The following L3MBTL1 variants were observed in gnomAD, a reference collection of about 807,000 sequenced individuals.
L3MBTL1 encodes the protein L3MBTL histone methyl-lysine binding protein 1.
Under a neutral mutation model 105.3 loss-of-function variants are expected in L3MBTL1, and 75 were observed. The observed-to-expected ratio is 0.71, with a 90% CI of 0.59 to 0.86. L3MBTL1 has a LOEUF of 0.86. Among genes scored for constraint, L3MBTL1 ranks in the 40% least tolerant of loss-of-function variants. L3MBTL1 has a pLI of 0.00. For missense variants in L3MBTL1, 1,069 were observed against 1,126.4 expected, an observed-to-expected ratio of 0.95 and a Z score of 0.73; for synonymous variants, 452 against 436.2, an observed-to-expected ratio of 1.04 and a Z score of -0.45.
intron 12 of L3MBTL1, 88 bp from the exon 13 acceptor site, chr20:43,533,254 A>G: frequency 8.5e-7 from 1 of 1,170,552 alleles, no homozygotes; most frequent in Non-Finnish European, 1.2e-6. Context: ...GAAGTAGATG[A>G]GGGTGGGCCC....
rs140705774 is a variant in L3MBTL1, at chr20:43,511,162, C to T, written c.-28-2314C>T. ...CCACCTCCCGGGTTCAAGCGATTCT[C>T]CTGCCTCAGCCTCCCCAGTAGCTGG... On this transcript the variant is annotated intron_variant, in intron 1 of 21. Coordinates refer to ENST00000418998, the MANE Select transcript of L3MBTL1 (RefSeq NM_001377303.1). Among the ~76,000 whole-genome samples the T allele has an allele frequency of 1.3e-3, 193 of 152,286 alleles. 2 individuals carry two copies. The highest frequency in any genetic ancestry group is 0.01 in the Middle Eastern group (3 of 294).
In L3MBTL1 at chr20:43,535,897, T is replaced by C. The variant is rs1306258367; in HGVS notation, c.1886T>C (p.Leu629Pro). Residue 629 changes from leucine to proline, a missense_variant, in exon 17 of 22, where the codon CTG becomes CCG. Physicochemically the swap from Leu to Pro is moderately conservative, Grantham distance 98 (BLOSUM62 -3). Coordinates refer to ENST00000418998, the MANE Select transcript of L3MBTL1 (RefSeq NM_001377303.1). ...GGCPPLSYRSLPHTRTSKYSF... is the reference protein window; with the variant it reads ...GGCPPLSYRSPPHTRTSKYSF... ...TGTCCCCCTCTCAGCTATAGGAGCC[T>C]GCCCCACACTAGGACCTCCAAATAC... The C allele has an allele frequency of 9.3e-6, 15 of 1,613,356 alleles. No homozygotes were observed. The highest frequency in any genetic ancestry group is 1.1e-5 in the Non-Finnish European group (13 of 1,179,754).
intron 7 of L3MBTL1, among the ~76,000 whole-genome samples, chr20:43,517,637 A>G (rs1568919226): frequency 6.6e-6 from 1 of 152,172 alleles, no homozygotes; most frequent in Non-Finnish European, 1.5e-5. Flanking sequence ...TAAGTTCTCA[A>G]TCAGTGTTTG....
At chr20:43,547,103 T>C (rs1283734066) in intron 18 of L3MBTL1, among the ~76,000 whole-genome samples, 7 of 85,368 alleles carry the variant, frequency 8.2e-5, no homozygotes, top group Non-Finnish European at 1.7e-4. Flanking sequence ...TTTTAATGAC[T>C]TTTTTTTTTT....
At position 43,513,518 on chromosome 20, in the gene L3MBTL1, T is replaced by A. The variant is rs1643175161; in HGVS notation, c.15T>A (p.Ala5=). ...GGCATGCTGGGATGGAGGGGCATGC[T>A]GAAATGGAGATGCTGAGGACACTGA... MEGH[A]EMEMLRTLKG... The change falls in exon 2 of 22, where the codon GCT becomes GCA. Residue 5 remains alanine (A), a synonymous_variant. Coordinates refer to ENST00000418998, the MANE Select transcript of L3MBTL1 (RefSeq NM_001377303.1). The A allele has an allele frequency of 1.3e-6, 2 of 1,550,638 alleles. No homozygotes were observed. The highest frequency in any genetic ancestry group is 2.7e-5 in the African/African-American group (2 of 73,020).
chr20:43,532,397 G>T (rs901955979), intron 11 of L3MBTL1: 5 of 198,546 alleles, frequency 2.5e-5, no homozygotes, highest in African/African-American at 1.2e-4. Flanking sequence ...ATAGATGTCC[G>T]CTGTTTCTTC....
Position 43,534,942 on chromosome 20 carries a change from G to A in L3MBTL1, c.1825G>A (p.Gly609Arg), listed in dbSNP as rs544291942. The change falls in exon 16 of 22, where the codon GGA (glycine) becomes AGA (arginine). Residue 609 changes from glycine to arginine, a missense_variant and splice_region_variant. Transcript: ENST00000418998. The stretch of plus-strand genomic sequence containing the variant: ...AGGACATCCCCTGCAGCCTCCTCTC[G>A]GTGTGTACCCCTAGGGCACTCTGAT... ...KTGHPLQPPL[G>R]PREPSSASPG... The A allele has an allele frequency of 1.6e-5, 26 of 1,587,898 alleles. No homozygotes were observed. The highest frequency in any genetic ancestry group is 1.4e-4 in the African/African-American group (10 of 73,388).
rs1444834631 is a variant in L3MBTL1 at position 43,514,888 on chromosome 20, TGGA to T, written c.503-115_503-113del. The T allele has an allele frequency of 1.6e-5, 23 of 1,460,778 alleles. No homozygotes were observed. In the African/African-American group the frequency reaches 2.9e-4, roughly 19 times the overall value. The allele number at this position is 1,460,778 out of a possible 1,614,324, so 90.5% of individuals were successfully genotyped here. ...GGGGTGGTCCTGGGGTGGAGAAGGC[TGGA>T]GGAGGCCATCCGATGCGGAGATGGA... is the stretch of plus-strand genomic sequence containing the variant. On this transcript the variant is annotated intron_variant, in intron 4 of 21. Transcript: ENST00000418998.
Position 43,533,376 on chromosome 20 carries a change from G to A in L3MBTL1, c.1471G>A (p.Gly491Ser). 1 of 1,613,868 alleles carries A rather than the reference G, an allele frequency of 6.2e-7. No individual in the cohort carries two copies. The highest frequency in any genetic ancestry group is 8.5e-7 in the Non-Finnish European group (1 of 1,179,946). ...DPSSPYIHPVGWCQKQGKPLT... is the reference protein window; with the variant it reads ...DPSSPYIHPVSWCQKQGKPLT... The stretch of plus-strand genomic sequence containing the variant: ...CAGCAGCCCCTACATCCACCCAGTG[G>A]GCTGGTGCCAGAAGCAAGGAAAGCC... The change falls in exon 13 of 22, where the codon GGC (glycine) becomes AGC (serine). Residue 491 changes from glycine to serine, a missense_variant. Gly to Ser is a moderately conservative substitution (Grantham distance 56). Coordinates refer to ENST00000418998, the MANE Select transcript of L3MBTL1 (RefSeq NM_001377303.1).
At chr20:43,539,896 C>CA (rs1237826725) in intron 19 of L3MBTL1, 3 of 577,698 alleles carry the variant, frequency 5.2e-6, no homozygotes, top group Admixed American at 5.2e-5. Flanking sequence ...GGTGCAGCCT[C>CA]AGAGAGACGG....
intron 1 of L3MBTL1, among the ~76,000 whole-genome samples, chr20:43,510,173 A>G (rs927555458): frequency 1.3e-5 from 2 of 151,972 alleles, no homozygotes; most frequent in Admixed American, 6.6e-5. Flanking sequence ...TAACTTTTGT[A>G]CTTTTTGTAG....
At position 43,515,050 on chromosome 20, in the gene L3MBTL1, C is replaced by T. The variant is rs891997399; in HGVS notation, c.544C>T (p.Pro182Ser). ...QNPPEDPNQDPPEDDSTCQCQ... is the reference protein window; with the variant it reads ...QNPPEDPNQDSPEDDSTCQCQ... The stretch of plus-strand genomic sequence containing the variant: ...TCCTCCAGAAGATCCCAATCAGGAC[C>T]CCCCAGAGGATGATAGCACCTGTCA... Residue 182 changes from proline to serine, a missense_variant, in exon 5 of 22, where the codon CCC (proline) becomes TCC (serine). Pro to Ser is a moderately conservative substitution (Grantham distance 74). Transcript: ENST00000418998. 57 of 1,613,976 alleles carry T rather than the reference C, an allele frequency of 3.5e-5. No individual in the cohort carries two copies. The highest frequency in any genetic ancestry group is 4.6e-5 in the Non-Finnish European group (54 of 1,179,956).
At chr20:43,523,844 A>G (rs1230987721) in intron 7 of L3MBTL1, among the ~76,000 whole-genome samples, 5 of 152,134 alleles carry the variant, frequency 3.3e-5, no homozygotes, top group Admixed American at 6.5e-5. Flanking sequence ...AAATACAAAA[A>G]ATTAGCTGGG....
intron 7 of L3MBTL1, among the ~76,000 whole-genome samples, chr20:43,521,884 C>T (rs1032623648): frequency 2.6e-5 from 4 of 152,122 alleles, no homozygotes; most frequent in African/African-American, 9.7e-5. Context: ...ACTTTATTTT[C>T]ACTGATACTC....
exon 19 of L3MBTL1, chr20:43,548,215 G>T (rs1978757953): frequency 7.7e-7 from 1 of 1,304,208 alleles, no homozygotes. Flanking sequence ...CCATTCTCAT[G>T]TTCAAAAACG....
At chr20:43,520,983 G>A (rs936290216) in intron 7 of L3MBTL1, among the ~76,000 whole-genome samples, 1 of 152,144 alleles carries the variant, frequency 6.6e-6, no homozygotes, top group Non-Finnish European at 1.5e-5. Context: ...GAAACCAAAG[G>A]CAATTTTAAT....
chr20:43,528,661 A>G lies in L3MBTL1; in HGVS notation c.867A>G (p.Thr289=). Residue 289 remains threonine, a synonymous_variant, in exon 8 of 22, where the codon ACA becomes ACG. Transcript: ENST00000418998. ...CTGTCTGTCCCCTTTCCACAGCAAC[A>G]GGTGAGAAGAAGGAATGCTGGTCGT... is the stretch of plus-strand genomic sequence containing the variant. ...SEEWSSSQPA[T]GEKKECWSWE... 1 of 1,613,674 alleles carries G rather than the reference A, an allele frequency of 6.2e-7. No homozygotes were observed. The highest frequency in any genetic ancestry group is 8.5e-7 in the Non-Finnish European group (1 of 1,179,514).
At chr20:43,548,050 C>A (rs537444256) in intron 18 of L3MBTL1, 3 of 1,226,156 alleles carry the variant, frequency 2.4e-6, no homozygotes, top group Admixed American at 4.7e-5. Context: ...CTTTCCTTCA[C>A]CCCTGCCCCG....
At chr20:43,515,552 T>C in intron 6 of L3MBTL1, 137 bp downstream of exon 6, 1 of 1,206,672 alleles carries the variant, frequency 8.3e-7, no homozygotes, top group Non-Finnish European at 1.1e-6. Flanking sequence ...TATTTTGGGG[T>C]CCCATCCTGA....
Sources: allele counts gnomAD v4.1 joint callset (sites outside exome capture counted in the v4.1 genomes callset), GRCh38; gene constraint gnomAD v4.1.1; transcripts MANE v1.5; gene names NCBI Gene and HGNC (gene_info 2026-07-23, HGNC 2026-07-21).